The following RAD54B variants were observed in gnomAD, a reference collection of about 807,000 sequenced individuals.
The protein encoded by RAD54B is DNA repair and recombination protein RAD54B.
Under a neutral mutation model 95.8 loss-of-function variants are expected in RAD54B, and 78 were observed. That is an observed-to-expected ratio of 0.81 (90% confidence interval 0.68 to 0.98). The LOEUF is 0.98. Ranked by LOEUF, RAD54B falls within the 50% of genes least tolerant of loss-of-function variation. The pLI is 0.00. For missense variants in RAD54B, 957 were observed against 1,056.6 expected (o/e 0.91, Z 1.31); for synonymous variants, 328 against 354.9 (o/e 0.92, Z 0.85).
intron 3 of RAD54B, chr8:94,430,068 C>G: frequency 1.0e-6 from 1 of 957,824 alleles, no homozygotes; most frequent in Non-Finnish European, 1.2e-6. Flanking sequence ...AATCCCAGCA[C>G]TTTGGGAGGC....
At chr8:94,426,748 G>A (rs973612593) in intron 3 of RAD54B, among the ~76,000 whole-genome samples, 1 of 152,114 alleles carries the variant, frequency 6.6e-6, no homozygotes, top group Admixed American at 6.5e-5. Context: ...AGGTGATATT[G>A]TTCTAATTCT....
intron 3 of RAD54B, chr8:94,436,723 A>G: frequency 6.4e-7 from 1 of 1,550,766 alleles, no homozygotes; most frequent in Non-Finnish European, 8.7e-7. Context: ...GTTAACTGCT[A>G]TGATATCCCA....
intron 12 of RAD54B, among the ~76,000 whole-genome samples, 173 bp downstream of exon 12, chr8:94,379,972 T>C (rs1810692559): frequency 6.6e-6 from 1 of 152,208 alleles, no homozygotes; most frequent in Non-Finnish European, 1.5e-5. Context: ...TATCCATCCT[T>C]GTAGGCTTGT....
intron 1 of RAD54B, among the ~76,000 whole-genome samples, chr8:94,468,435 G>A (rs1024612394): frequency 2.6e-5 from 4 of 152,060 alleles, no homozygotes; most frequent in Admixed American, 6.6e-5. Flanking sequence ...AGGGGCCGGC[G>A]TGGTGGTTCA....
At chr8:94,391,549 A>C in intron 10 of RAD54B, 60 bp downstream of exon 10, 1 of 1,506,640 alleles carries the variant, frequency 6.6e-7, no homozygotes, top group Non-Finnish European at 8.9e-7. Flanking sequence ...CTGCCCTCTT[A>C]GATTCATATA....
chr8:94,379,008 T>C (rs1810669524), intron 12 of RAD54B, among the ~76,000 whole-genome samples: 1 of 152,206 alleles, frequency 6.6e-6, no homozygotes, highest in Non-Finnish European at 1.5e-5. Flanking sequence ...CTACCTAGGA[T>C]ACATGTAATC....
At chr8:94,379,970 C>T (rs1489585431) in intron 12 of RAD54B, among the ~76,000 whole-genome samples, 175 bp downstream of exon 12, 1 of 152,166 alleles carries the variant, frequency 6.6e-6, no homozygotes, top group Non-Finnish European at 1.5e-5. Flanking sequence ...AATATCCATC[C>T]TTGTAGGCTT....
At chr8:94,417,787 G>T (rs550120696) in intron 3 of RAD54B, among the ~76,000 whole-genome samples, 2 of 152,118 alleles carry the variant, frequency 1.3e-5, no homozygotes, top group Non-Finnish European at 2.9e-5. Context: ...CTAGAATTCA[G>T]ATAAATTGTA....
intron 14 of RAD54B, among the ~76,000 whole-genome samples, chr8:94,377,762 G>A (rs2129947288): frequency 6.6e-6 from 1 of 150,402 alleles, no homozygotes; most frequent in East Asian, 2.0e-4. Flanking sequence ...GGATCACGAG[G>A]TCAGGAGATC....
At position 94,392,764 on chromosome 8, in the gene RAD54B, ATTTTTTTTTT is replaced by A. The variant is rs34856809; in HGVS notation, c.1519-875_1519-866del. ...AGGTACATGCCACCACACCTGGCTG[ATTTTTTTTTT>A]TTTTTTTTTTTTTGGTAGACATAAG... On this transcript the variant is annotated intron_variant, in intron 9 of 14. Transcript: ENST00000336148. 1.4e-4 allele frequency among the ~76,000 whole-genome samples: 10 copies of A among 72,600 alleles called. No homozygotes were observed. In the East Asian group the frequency reaches 3.5e-3, roughly 26 times the overall value. 47.6% of individuals were successfully genotyped at this position (72,600 alleles called of 152,430 possible).
rs1345856140 is a variant in RAD54B at position 94,391,620 on chromosome 8, TG to T, written c.1797del (p.Phe599LeufsTer4). 1.2e-6 allele frequency: 2 copies of T among 1,613,388 alleles called. No homozygotes were observed. Among genetic ancestry groups the T allele is most frequent in the Non-Finnish European group, 1.7e-6 (2 of 1,179,828 alleles). On this transcript the variant is annotated frameshift_variant, in exon 10 of 15. Coordinates refer to ENST00000336148, the MANE Select transcript of RAD54B (RefSeq NM_012415.3). LOFTEE classifies it high-confidence loss of function. Reference protein sequence around the residue: ...KKLCNHPCLLFNSIKEKECSS... With the variant: ...KKLCNHPCLLXNSIKEKECSS... Reference sequence around the variant, plus strand: ...TACTATGCACTTACCTTTATAGAGTTGAACAAAAGGCAGGGGTGATTGCACA... The same window carrying T: ...TACTATGCACTTACCTTTATAGAGTTAACAAAAGGCAGGGGTGATTGCACA...
Position 94,474,769 on chromosome 8 carries a change from C to A in RAD54B, c.-17+232G>T, listed in dbSNP as rs1165853065. 9.9e-5 allele frequency among the ~76,000 whole-genome samples: 15 copies of A among 152,282 alleles called. No homozygotes were observed. In the East Asian group the frequency reaches 2.5e-3, roughly 26 times the overall value. On this transcript the variant is annotated intron_variant, in intron 1 of 14. Transcript: ENST00000336148. Reference sequence around the variant, plus strand: ...GAACCATCCCTCCCACACAAACGCACAACCCTAAACCCCCACCGCCCGCCC... The same window carrying A: ...GAACCATCCCTCCCACACAAACGCAAAACCCTAAACCCCCACCGCCCGCCC...
At position 94,416,345 on chromosome 8, in the gene RAD54B, A is replaced by G. The variant is rs145212501; in HGVS notation, c.305-5030T>C. On this transcript the variant is annotated intron_variant, in intron 3 of 14. Transcript: ENST00000336148. ...AACACATGGACACAGGAAGGGGAAC[A>G]TCACACTCTGGGGAATGTTGTGTGG... 7.3e-3 allele frequency among the ~76,000 whole-genome samples: 1,112 copies of G among 152,070 alleles called. 7 individuals carry two copies. The highest frequency in any genetic ancestry group is 0.011 in the Non-Finnish European group (758 of 68,002).
chr8:94,430,458 C>T (rs1277397209), intron 3 of RAD54B: 2 of 983,808 alleles, frequency 2.0e-6, no homozygotes, highest in African/African-American at 3.5e-5. Context: ...TTCCAAAATA[C>T]TCTGTTTCAC....
intron 3 of RAD54B, among the ~76,000 whole-genome samples, chr8:94,434,450 A>G (rs1812202805): frequency 6.6e-6 from 1 of 151,910 alleles, no homozygotes; most frequent in African/African-American, 2.4e-5. Context: ...AACTGATATT[A>G]GGAAGAGGTA....
At chr8:94,402,198 CTCTT>C (rs1174723917) in intron 6 of RAD54B, among the ~76,000 whole-genome samples, 2 of 151,706 alleles carry the variant, frequency 1.3e-5, no homozygotes, top group Non-Finnish European at 2.9e-5. Context: ...GAAAAGAAAA[CTCTT>C]TCTAAGCATA....
At chr8:94,406,893 A>G (rs961584081) in intron 5 of RAD54B, among the ~76,000 whole-genome samples, 1 of 152,168 alleles carries the variant, frequency 6.6e-6, no homozygotes, top group African/African-American at 2.4e-5. Flanking sequence ...TCAAAAGAAC[A>G]ATCAGATACA....
intron 3 of RAD54B, chr8:94,429,684 T>C: frequency 6.1e-6 from 6 of 983,192 alleles, no homozygotes; most frequent in Non-Finnish European, 7.2e-6. Flanking sequence ...AGAAAAGTCA[T>C]AGCACAGATT....
At chr8:94,379,772 A>G (rs1049099690) in intron 12 of RAD54B, among the ~76,000 whole-genome samples, 1 of 152,208 alleles carries the variant, frequency 6.6e-6, no homozygotes. Context: ...TAGCCTGCAT[A>G]AACACTAATC....
Sources: allele counts gnomAD v4.1 joint callset (sites outside exome capture counted in the v4.1 genomes callset), GRCh38; gene constraint gnomAD v4.1.1; transcripts MANE v1.5; gene names NCBI Gene and HGNC (gene_info 2026-07-23, HGNC 2026-07-21).